STX17: variants seen among roughly 807,000 people sequenced by gnomAD.
STX17 encodes the protein syntaxin-17.
STX17 carries 29 observed loss-of-function variants against 35.9 expected under a neutral mutation model. The ratio of observed to expected loss-of-function variants is 0.81; its 90% CI spans 0.60 to 1.10. STX17 has a LOEUF of 1.10. Ranked by LOEUF, STX17 falls within the 50% of genes least tolerant of loss-of-function variation. The pLI, the probability that STX17 is intolerant of heterozygous loss-of-function variation, is 0.00. For missense variants in STX17, 312 were observed against 352.3 expected (o/e 0.89, Z 0.92); for synonymous variants, 92 against 118.3 (o/e 0.78, Z 1.44).
In STX17 at chr9:99,927,751, A is replaced by G. The variant is rs574591860; in HGVS notation, c.124-1027A>G. On this transcript the variant is annotated intron_variant, in intron 2 of 7. Coordinates refer to ENST00000259400, the MANE Select transcript of STX17 (RefSeq NM_017919.3). ...CCCAGCCTCCCAAAGTGCTGGGATT[A>G]TGGGCATGAGCCACCGCGCCTGGCC... 2.6e-5 allele frequency among the ~76,000 whole-genome samples: 4 copies of G among 152,320 alleles called. No homozygotes were observed. The South Asian group carries it at 8.3e-4, about 32-fold the overall frequency.
In STX17 at chr9:99,967,651, A is replaced by C; in HGVS notation, c.583-2A>C. ...GCTCACTCATAATTCCTTTGCATCT[A>C]GTCTCAGCAGGAGAAGATTGACAGC... is the stretch of plus-strand genomic sequence containing the variant. On this transcript the variant is annotated splice_acceptor_variant, in intron 6 of 7. Coordinates refer to ENST00000259400, the MANE Select transcript of STX17 (RefSeq NM_017919.3). LOFTEE classifies it high-confidence loss of function. 6.2e-7 allele frequency: 1 copy of C among 1,613,720 alleles called. No individual in the cohort carries two copies. Among genetic ancestry groups the C allele is most frequent in the Non-Finnish European group, 8.5e-7 (1 of 1,179,758 alleles).
chr9:99,942,628 A>G (rs1431911113), intron 3 of STX17, among the ~76,000 whole-genome samples: 1 of 152,154 alleles, frequency 6.6e-6, no homozygotes, highest in African/African-American at 2.4e-5. Flanking sequence ...ACCCAGGGTT[A>G]CAAAGATATT....
intron 6 of STX17, among the ~76,000 whole-genome samples, chr9:99,964,527 T>C (rs141538173): frequency 3.3e-5 from 5 of 152,168 alleles, no homozygotes; most frequent in African/African-American, 9.6e-5. Flanking sequence ...TGAGAACATA[T>C]ATGGGGTGCC....
chr9:99,907,634 G>C (rs1024583195), intron 1 of STX17, among the ~76,000 whole-genome samples: 3 of 152,086 alleles, frequency 2.0e-5, no homozygotes, highest in Non-Finnish European at 4.4e-5. Flanking sequence ...CCTGTCTTAC[G>C]TGAAACATCC....
intron 3 of STX17, among the ~76,000 whole-genome samples, chr9:99,943,825 GAGTT>G (rs1362919557): frequency 2.0e-5 from 3 of 151,834 alleles, no homozygotes; most frequent in Non-Finnish European, 2.9e-5. Context: ...CTATCATAAA[GAGTT>G]AGAGGATGGT....
chr9:99,949,942 T>TAC (rs58226718), intron 3 of STX17, among the ~76,000 whole-genome samples: 63,065 of 148,990 alleles, frequency 0.42, 14,295 homozygotes, highest in East Asian at 0.67. Flanking sequence ...CACACATGTA[T>TAC]ACACACACAC....
chr9:99,915,387 A>G, intron 2 of STX17, 25 bp downstream of exon 2: 1 of 1,575,246 alleles, frequency 6.3e-7, no homozygotes, highest in South Asian at 1.2e-5. Flanking sequence ...TTACTACCAC[A>G]AGAAATAGTT....
At chr9:99,950,878 G>A (rs903021495) in intron 3 of STX17, among the ~76,000 whole-genome samples, 182 bp from the exon 4 acceptor site, 1 of 151,886 alleles carries the variant, frequency 6.6e-6, no homozygotes, top group South Asian at 2.1e-4. Flanking sequence ...TGAGCATGTG[G>A]GTTCCAAAGA....
In STX17 at chr9:99,931,016, G is replaced by A. The variant is rs184307189; in HGVS notation, c.189+2173G>A. ...TTTTGAGATGGAGTCTCGCTCTTTC[G>A]CCCAGGCTGGAGTGCAGTGAGTGAT... On this transcript the variant is annotated intron_variant, in intron 3 of 7. Transcript: ENST00000259400. Among the ~76,000 whole-genome samples the A allele has an allele frequency of 4.0e-3, 605 of 151,892 alleles. 16 individuals are homozygous for A. Among genetic ancestry groups the A allele is most frequent in the Non-Finnish European group, 6.8e-4 (46 of 67,984 alleles).
chr9:99,921,016 G>T (rs1480938361), intron 2 of STX17, among the ~76,000 whole-genome samples: 1 of 152,118 alleles, frequency 6.6e-6, no homozygotes, highest in African/African-American at 2.4e-5. Context: ...TTTGCTGAGT[G>T]CTGTGTTAGG....
intron 3 of STX17, among the ~76,000 whole-genome samples, chr9:99,943,790 T>A (rs1587929391): frequency 6.6e-6 from 1 of 152,284 alleles, no homozygotes; most frequent in East Asian, 1.9e-4. Flanking sequence ...TTCTTAATCT[T>A]CTTAAGTTTC....
rs753399894 is a variant in STX17, at chr9:99,968,720, C to A, written c.*47C>A. ...GGTGCCAACATGTCTATCCTGAGGA[C>A]CTTTGCTGCTGTTGGACACTCCGTC... On this transcript the variant is annotated 3_prime_UTR_variant, in exon 8 of 8. Transcript: ENST00000259400. 10 of 1,580,754 alleles carry A rather than the reference C, an allele frequency of 6.3e-6. No homozygotes were observed. Among genetic ancestry groups the A allele is most frequent in the Non-Finnish European group, 8.6e-6 (10 of 1,163,530 alleles).
In STX17 at chr9:99,948,201, A is replaced by G. The variant is rs143229438; in HGVS notation, c.190-2859A>G. ...ACTGTTGAGCACTTAAAATGTAGCC[A>G]GTTTGAACTGAGATGTGCTGTGAAT... On this transcript the variant is annotated intron_variant, in intron 3 of 7. Transcript: ENST00000259400. 5.5e-4 allele frequency among the ~76,000 whole-genome samples: 83 copies of G among 152,232 alleles called. 1 individual carries two copies. The East Asian group carries it at 0.014, about 25-fold the overall frequency.
intron 1 of STX17, among the ~76,000 whole-genome samples, chr9:99,912,231 G>GA (rs58410906): frequency 1.2e-4 from 18 of 147,282 alleles, no homozygotes; most frequent in South Asian, 4.4e-4. Flanking sequence ...TATCTAAAAA[G>GA]AAAAAAAAAA....
At position 99,971,994 on chromosome 9, in the gene STX17, A is replaced by G. The variant is rs1830023951; in HGVS notation, c.*3321A>G. Among the ~76,000 whole-genome samples the G allele has an allele frequency of 6.6e-6, 1 of 152,318 alleles. No homozygotes were observed. The highest frequency in any genetic ancestry group is 1.9e-4 in the East Asian group (1 of 5,190). ...GAACAAGACCCTCTCTCAAAAAAATATTTAAAAAAAGGTGGGTCATCCATT... is the reference window on the plus strand; with the variant it reads ...GAACAAGACCCTCTCTCAAAAAAATGTTTAAAAAAAGGTGGGTCATCCATT... On this transcript the variant is annotated 3_prime_UTR_variant, in exon 8 of 8. Coordinates refer to ENST00000259400, the MANE Select transcript of STX17 (RefSeq NM_017919.3).
In STX17 at chr9:99,970,027, C is replaced by G. The variant is rs939014159; in HGVS notation, c.*1354C>G. The G allele has an allele frequency of 6.6e-6, 1 of 152,630 alleles. No homozygotes were observed. Among genetic ancestry groups the G allele is most frequent in the Non-Finnish European group, 1.5e-5 (1 of 68,126 alleles). 9.5% of individuals were successfully genotyped at this position (152,630 alleles called of 1,614,324 possible). A position where few individuals can be genotyped will look rare whatever the true frequency, so the allele number is the denominator to read the frequency against. On this transcript the variant is annotated 3_prime_UTR_variant, in exon 8 of 8. Transcript: ENST00000259400. Reference sequence around the variant, plus strand: ...GAATTCAAGACTACAGGCAGCTCCCCTCTGTACCCCAACTCATTTAAAATA... The same window carrying G: ...GAATTCAAGACTACAGGCAGCTCCCGTCTGTACCCCAACTCATTTAAAATA...
chr9:99,936,024 A>T (rs1829226329), intron 3 of STX17, among the ~76,000 whole-genome samples: 1 of 152,152 alleles, frequency 6.6e-6, no homozygotes, highest in Admixed American at 6.5e-5. Context: ...GAAGGCTCTG[A>T]GCTTCTTCCA....
At chr9:99,925,831 C>G (rs564780885) in intron 2 of STX17, among the ~76,000 whole-genome samples, 27 of 151,952 alleles carry the variant, frequency 1.8e-4, no homozygotes, top group African/African-American at 6.5e-4. Context: ...ATTAGTATAG[C>G]TTTCTTCATT....
At chr9:99,939,699 A>T (rs2118423832) in intron 3 of STX17, among the ~76,000 whole-genome samples, 1 of 152,272 alleles carries the variant, frequency 6.6e-6, no homozygotes, top group East Asian at 1.9e-4. Context: ...TATTTTTCAG[A>T]GACAGCACAA....
Sources: allele counts gnomAD v4.1 joint callset (sites outside exome capture counted in the v4.1 genomes callset), GRCh38; gene constraint gnomAD v4.1.1; transcripts MANE v1.5; gene names NCBI Gene and HGNC (gene_info 2026-07-23, HGNC 2026-07-21).